The following OVCH1 variants were observed in gnomAD, a reference collection of about 807,000 sequenced individuals.
OVCH1 encodes the protein ovochymase 1, also known as ovochymase-1.
Under a neutral mutation model 138.4 loss-of-function variants are expected in OVCH1, and 139 were observed. That is an observed-to-expected ratio of 1.00 (90% confidence interval 0.87 to 1.16). The LOEUF is 1.16. Ranked by LOEUF, OVCH1 falls within the 50% of genes most tolerant of loss-of-function variation. The pLI is 0.00. For missense variants in OVCH1, 1,367 were observed against 1,357.9 expected (o/e 1.01, Z -0.11); for synonymous variants, 453 against 467.8 (o/e 0.97, Z 0.41).
intron 25 of OVCH1, among the ~76,000 whole-genome samples, chr12:29,442,015 C>G (rs1248953442): frequency 6.6e-6 from 1 of 151,682 alleles, no homozygotes; most frequent in African/African-American, 2.4e-5. Context: ...CACTTTTACA[C>G]TGTTGGTGGG....
At chr12:29,408,058 T>A (rs955838582), downstream of OVCH1, among the ~76,000 whole-genome samples, 1 of 139,846 alleles carries the variant, frequency 7.2e-6, no homozygotes, top group African/African-American at 2.5e-5. Flanking sequence ...TATTTTATTC[T>A]CTTTAAAGCA....
chr12:29,436,775 TCTCA>T (rs1941369209), intron 26 of OVCH1, among the ~76,000 whole-genome samples: 1 of 152,168 alleles, frequency 6.6e-6, no homozygotes, highest in African/African-American at 2.4e-5. Context: ...GGGTTTGTGG[TCTCA>T]CTGACTTCAG....
intron 26 of OVCH1, among the ~76,000 whole-genome samples, chr12:29,434,733 A>G (rs941715979): frequency 1.3e-5 from 2 of 152,224 alleles, no homozygotes; most frequent in African/African-American, 2.4e-5. Flanking sequence ...AAACCTTACT[A>G]TTCATCAAGA....
At chr12:29,496,373 T>A (rs147909235) in intron 2 of OVCH1, 95 bp from the exon 3 acceptor site, 1 of 1,211,042 alleles carries the variant, frequency 8.3e-7, no homozygotes. Context: ...TAATCTGACA[T>A]AATATTCTTA....
chr12:29,477,670 A>C (rs887705155), intron 9 of OVCH1, 192 bp from the exon 11 acceptor site: 38 of 1,428,780 alleles, frequency 2.7e-5, no homozygotes, highest in Middle Eastern at 2.4e-4. Flanking sequence ...TCAACCCCCC[A>C]GTCTCACATG....
chr12:29,466,293 CTT>C (rs1942317373), intron 16 of OVCH1, among the ~76,000 whole-genome samples: 2 of 144,010 alleles, frequency 1.4e-5, no homozygotes, highest in South Asian at 4.4e-4. Context: ...ATACGTTTCT[CTT>C]AATACTGTAT....
chr12:29,489,299 G>A (rs916934964), intron 6 of OVCH1, among the ~76,000 whole-genome samples: 8 of 152,198 alleles, frequency 5.3e-5, no homozygotes, highest in African/African-American at 1.9e-4. Flanking sequence ...TATGTGAAAT[G>A]AAGAATTCAT....
chr12:29,443,554 T>TA, intron 24 of OVCH1, 54 bp from the exon 25 acceptor site: 1 of 1,463,158 alleles, frequency 6.8e-7, no homozygotes, highest in Non-Finnish European at 9.2e-7. Flanking sequence ...AATATATTGT[T>TA]AGTTATTTTG....
chr12:29,459,445 C>T, intron 19 of OVCH1, among the ~76,000 whole-genome samples: 1 of 151,946 alleles, frequency 6.6e-6, no homozygotes, highest in East Asian at 1.9e-4. Context: ...AACAACATAA[C>T]TCATGGGGAT....
downstream of OVCH1, among the ~76,000 whole-genome samples, chr12:29,427,225 A>C (rs1015087193): frequency 6.6e-6 from 1 of 152,148 alleles, no homozygotes; most frequent in African/African-American, 2.4e-5. Flanking sequence ...CTCTTCCCTC[A>C]TTCAGGGCCA....
At chr12:29,442,642 TAAAAA>T (rs547323331) in intron 25 of OVCH1, among the ~76,000 whole-genome samples, 22 of 150,890 alleles carry the variant, frequency 1.5e-4, no homozygotes, top group African/African-American at 4.4e-4. Flanking sequence ...TAAAAAAAAA[TAAAAA>T]AAAGAAATTT....
intron 26 of OVCH1, among the ~76,000 whole-genome samples, chr12:29,436,373 TTA>T (rs1461146263): frequency 2.3e-4 from 32 of 138,378 alleles, no homozygotes; most frequent in Non-Finnish European, 4.2e-4. Flanking sequence ...AAAATACATG[TTA>T]TATAACATTT....
downstream of OVCH1, among the ~76,000 whole-genome samples, chr12:29,426,804 A>G (rs544278845): frequency 3.3e-5 from 5 of 152,348 alleles, no homozygotes; most frequent in East Asian, 9.6e-4. Flanking sequence ...ACAGTGCAAT[A>G]GAACTTTCTG....
At chr12:29,455,712 A>G (rs1167207754) in intron 19 of OVCH1, among the ~76,000 whole-genome samples, 1 of 152,222 alleles carries the variant, frequency 6.6e-6, no homozygotes, top group African/African-American at 2.4e-5. Flanking sequence ...AAATTATATC[A>G]ATTAGTAAAA....
At chr12:29,483,830 T>C (rs1335207186) in intron 8 of OVCH1, among the ~76,000 whole-genome samples, 2 of 152,066 alleles carry the variant, frequency 1.3e-5, no homozygotes, top group African/African-American at 4.8e-5. Context: ...CAACGCCTCA[T>C]TTCAATGCCA....
intron 23 of OVCH1, among the ~76,000 whole-genome samples, chr12:29,444,962 A>G (rs570730221): frequency 6.6e-6 from 1 of 152,254 alleles, no homozygotes; most frequent in South Asian, 2.1e-4. Flanking sequence ...CTTCTGAGCC[A>G]CAAGAATTTA....
At chr12:29,475,963 C>A (rs572112617) in intron 13 of OVCH1, among the ~76,000 whole-genome samples, 3 of 152,288 alleles carry the variant, frequency 2.0e-5, no homozygotes, top group Admixed American at 2.0e-4. Flanking sequence ...CTGGCGACTG[C>A]CTTTTCACCT....
chr12:29,430,117 G>A (rs1292845620), intron 27 of OVCH1, among the ~76,000 whole-genome samples: 4 of 152,160 alleles, frequency 2.6e-5, no homozygotes, highest in African/African-American at 9.7e-5. Context: ...ATTATCTTCA[G>A]TCTAGAGGTG....
exon 4 of OVCH1, chr12:29,495,315 G>A: frequency 6.2e-7 from 1 of 1,612,730 alleles, no homozygotes; most frequent in African/African-American, 1.3e-5. Flanking sequence ...AGATACAGCA[G>A]TGCAATATCA....
Sources: gnomAD v4.1 joint callset for allele counts (sites outside exome capture counted in the v4.1 genomes callset) on GRCh38, gnomAD v4.1.1 for gene constraint, MANE v1.5 for transcripts, NCBI Gene and HGNC (gene_info 2026-07-23, HGNC 2026-07-21) for gene names.